HIVEP3: variants seen among roughly 807,000 people sequenced by gnomAD.
HIVEP3 encodes transcription factor HIVEP3.
Under a neutral mutation model 152.8 loss-of-function variants are expected in HIVEP3, and 49 were observed. The ratio of observed to expected loss-of-function variants is 0.32; its 90% CI spans 0.26 to 0.41. The LOEUF (loss-of-function observed/expected upper bound fraction) is 0.41. Ranked by LOEUF, HIVEP3 falls within the 10% of genes least tolerant of loss-of-function variation. The pLI is 1.00. For missense variants in HIVEP3, 2,790 were observed against 3,103.3 expected (o/e 0.90, Z 2.40); for synonymous variants, 1,269 against 1,289.0 (o/e 0.98, Z 0.33).
intron 1 of HIVEP3, among the ~76,000 whole-genome samples, chr1:41,776,492 G>T (rs576585900): frequency 6.6e-6 from 1 of 152,288 alleles, no homozygotes; most frequent in East Asian, 1.9e-4. Flanking sequence ...GGGACATCTC[G>T]GTCTGTCTTT....
intron 2 of HIVEP3, among the ~76,000 whole-genome samples, chr1:41,632,737 C>T (rs113826633): frequency 0.026 from 3,965 of 150,974 alleles, 74 homozygotes; most frequent in Middle Eastern, 0.058. Flanking sequence ...GCCTGGGTGA[C>T]ACAGCAAGAC....
intron 1 of HIVEP3, among the ~76,000 whole-genome samples, chr1:41,711,307 C>A (rs573109777): frequency 6.6e-6 from 1 of 152,374 alleles, no homozygotes; most frequent in African/African-American, 2.4e-5. Flanking sequence ...TTTGCAAATG[C>A]AGAGCCCATG....
chr1:41,588,368 G>C (rs1644536253), intron 3 of HIVEP3, among the ~76,000 whole-genome samples: 1 of 152,154 alleles, frequency 6.6e-6, no homozygotes, highest in African/African-American at 2.4e-5. Context: ...AGCATGACTG[G>C]GTGGTGAAAT....
Position 41,510,421 on chromosome 1 carries a change from A to C in HIVEP3, c.*30T>G, listed in dbSNP as rs758024028. On this transcript the variant is annotated 3_prime_UTR_variant, in exon 9 of 9. Transcript: ENST00000372583. ...GGAAACGTCTGTTGCTGGACACTGGAAGCCAGATGCTGAAGCAGTTGGAGA... is the reference window on the plus strand; with the variant it reads ...GGAAACGTCTGTTGCTGGACACTGGCAGCCAGATGCTGAAGCAGTTGGAGA... 1 of 1,441,510 alleles carries C rather than the reference A, an allele frequency of 6.9e-7. No individual in the cohort carries two copies. The allele number at this position is 1,441,510 out of a possible 1,614,324, so 89.3% of individuals were successfully genotyped here.
chr1:41,841,398 G>A (rs1643284054), intron 1 of HIVEP3, among the ~76,000 whole-genome samples: 1 of 135,066 alleles, frequency 7.4e-6, no homozygotes, highest in African/African-American at 3.3e-5. Context: ...ACCAAGTTTT[G>A]ACAATGCATT....
chr1:41,583,571 G>A lies in HIVEP3; in HGVS notation c.1227C>T (p.Thr409=). The change falls in exon 4 of 9, where the codon ACC becomes ACT. Residue 409 remains threonine, a synonymous_variant. Transcript: ENST00000372583. The surrounding 1 kb of genome is among the most constrained non-coding windows in gnomAD (Gnocchi z 6.9). The part of the protein sequence containing the change: ...SAEQQVSPPN[T]NAKSYAEIIF... ...TGATCTCAGCGTAGGACTTGGCGTT[G>A]GTGTTTGGGGGGCTGACCTGCTGCT... The A allele has an allele frequency of 1.2e-6, 2 of 1,614,150 alleles. No homozygotes were observed. The highest frequency in any genetic ancestry group is 1.7e-6 in the Non-Finnish European group (2 of 1,180,016).
At chr1:41,513,966 C>T (rs1288919475) in intron 7 of HIVEP3, among the ~76,000 whole-genome samples, 1 of 152,206 alleles carries the variant, frequency 6.6e-6, no homozygotes, top group Non-Finnish European at 1.5e-5. Flanking sequence ...CTAGAATGTG[C>T]AATGTTCAGT....
chr1:41,814,583 G>A (rs6670547), intron 1 of HIVEP3, among the ~76,000 whole-genome samples: 2,259 of 152,312 alleles, frequency 0.015, 61 homozygotes, highest in African/African-American at 0.052. Context: ...TGGGTGAAAC[G>A]CTTTTCCAAA....
intron 1 of HIVEP3, among the ~76,000 whole-genome samples, chr1:41,988,913 G>C (rs1208427099): frequency 6.6e-6 from 1 of 152,188 alleles, no homozygotes; most frequent in Non-Finnish European, 1.5e-5. Flanking sequence ...CCTATCATTT[G>C]TGAAAACACA....
At chr1:41,562,601 T>TTCTCTCTCTCTCTCTCTCTC (rs72509109) in intron 5 of HIVEP3, among the ~76,000 whole-genome samples, 3 of 126,176 alleles carry the variant, frequency 2.4e-5, no homozygotes, top group South Asian at 2.8e-4. Context: ...CTTCCTTTCT[T>TTCTCTCTCTCTCTCTCTCTC]TCTCTCTCTC....
rs545518014 is a variant in HIVEP3 at position 41,867,157 on chromosome 1, G to A, written c.-801+51256C>T. Among the ~76,000 whole-genome samples, 6 of 152,246 alleles carry A rather than the reference G, an allele frequency of 3.9e-5. No individual in the cohort carries two copies. The South Asian group carries it at 1.2e-3, about 32-fold the overall frequency. The stretch of plus-strand genomic sequence containing the variant: ...CACTCCAGCAGGAACTCCAGGTAGA[G>A]AGCTGTTCTGCAGTGGGCATTTCTA... On this transcript the variant is annotated intron_variant, in intron 1 of 8. Transcript: ENST00000372583.
chr1:41,907,629 G>A (rs1017703989), intron 1 of HIVEP3, among the ~76,000 whole-genome samples: 2 of 152,176 alleles, frequency 1.3e-5, no homozygotes, highest in Non-Finnish European at 2.9e-5. Flanking sequence ...CATCTGCTGT[G>A]CCCCACCACT....
At chr1:42,004,303 A>G (rs1645445988) in intron 1 of HIVEP3, among the ~76,000 whole-genome samples, 1 of 152,230 alleles carries the variant, frequency 6.6e-6, no homozygotes, top group South Asian at 2.1e-4. Flanking sequence ...GGGGCTCATG[A>G]CTTCTGATTT....
intron 1 of HIVEP3, among the ~76,000 whole-genome samples, chr1:41,799,805 C>T (rs544651466): frequency 6.6e-6 from 1 of 152,124 alleles, no homozygotes. Context: ...CCCTTCCCCC[C>T]AACCCCAAGC....
Position 41,584,868 on chromosome 1 carries a change from G to A in HIVEP3, c.-71C>T. ...GGCTGCATTTATGAATAATCCCAGT[G>A]TCCCAAGGAGGTGTCCAGCTTTGGC... On this transcript the variant is annotated 5_prime_UTR_variant, in exon 4 of 9. Transcript: ENST00000372583. This position sits in a 1 kb window ranked among gnomAD's most constrained non-coding sequence, Gnocchi z 5.2. The A allele has an allele frequency of 7.4e-7, 1 of 1,360,376 alleles. No individual in the cohort carries two copies. Among genetic ancestry groups the A allele is most frequent in the South Asian group, 1.8e-5 (1 of 54,264 alleles). The allele number at this position is 1,360,376 out of a possible 1,614,324, so 84.3% of individuals were successfully genotyped here. A position where few individuals can be genotyped will look rare whatever the true frequency, so the allele number is the denominator to read the frequency against.
intron 1 of HIVEP3, among the ~76,000 whole-genome samples, chr1:42,016,485 T>C (rs348138): frequency 0.057 from 8,624 of 152,196 alleles, 845 homozygotes; most frequent in African/African-American, 0.2. Flanking sequence ...AAAATAAATT[T>C]AAATGCCTCA....
At position 41,513,260 on chromosome 1, in the gene HIVEP3, T is replaced by G; in HGVS notation, c.5961A>C (p.Leu1987=). Residue 1987 remains leucine, a synonymous_variant, in exon 8 of 9, where the codon CTA becomes CTC. Transcript: ENST00000372583. ...SRPPLARKHS[L]TKNDSSPQRC... ...GCTGGGGAGATGAGTCGTTTTTGGT[T>G]AGCGAGTGTTTGCGGGCTAGTGGTG... is the stretch of plus-strand genomic sequence containing the variant. 1.2e-6 allele frequency: 2 copies of G among 1,613,426 alleles called. No homozygotes were observed. Among genetic ancestry groups the G allele is most frequent in the Non-Finnish European group, 1.7e-6 (2 of 1,179,914 alleles).
rs1275056796 is a variant in HIVEP3 at position 41,582,709 on chromosome 1, G to C, written c.2089C>G (p.Gln697Glu). ...KSQIEHEPWS[Q>E]MMHYKLGTTL... ...GTTCCCAGTTTGTAATGCATCATTT[G>C]GGACCACGGCTCATGCTCAATCTGA... The change falls in exon 4 of 9, where the codon CAA becomes GAA. Residue 697 changes from glutamine to glutamate, a missense_variant. By Grantham distance (29) the Gln-to-Glu change is conservative. Coordinates refer to ENST00000372583, the MANE Select transcript of HIVEP3 (RefSeq NM_024503.5). The surrounding 1 kb of genome is among the most constrained non-coding windows in gnomAD (Gnocchi z 4.7). The C allele has an allele frequency of 6.2e-7, 1 of 1,614,136 alleles. No homozygotes were observed. The highest frequency in any genetic ancestry group is 1.1e-5 in the South Asian group (1 of 91,078).
chr1:41,748,291 A>C (rs1248466106), intron 1 of HIVEP3, among the ~76,000 whole-genome samples: 1 of 152,148 alleles, frequency 6.6e-6, no homozygotes, highest in Admixed American at 6.5e-5. Flanking sequence ...CCTCAGCTTC[A>C]GGGAGAGTAA....
Sources: gnomAD v4.1 joint callset for allele counts (sites outside exome capture counted in the v4.1 genomes callset) on GRCh38, gnomAD v4.1.1 for gene constraint, Gnocchi (gnomAD v3.1) non-coding constraint, MANE v1.5 for transcripts, NCBI Gene and HGNC (gene_info 2026-07-23, HGNC 2026-07-21) for gene names.